Variants in CTNNA3 observed in about 807,000 individuals in gnomAD.
CTNNA3 encodes the protein catenin alpha-3.
A neutral mutation model predicts 95.7 loss-of-function variants in CTNNA3; 76 were observed. The ratio of observed to expected loss-of-function variants is 0.79; its 90% CI spans 0.66 to 0.96. CTNNA3 has a LOEUF of 0.96. Among genes scored for constraint, CTNNA3 ranks in the 40% least tolerant of loss-of-function variants. The pLI is 0.00. For missense variants in CTNNA3, 1,191 were observed against 1,089.8 expected, an observed-to-expected ratio of 1.09 and a Z score of -1.31; for synonymous variants, 431 against 374.4, an observed-to-expected ratio of 1.15 and a Z score of -1.74.
At chr10:66,442,234 G>A (rs151299079) in intron 11 of CTNNA3, among the ~76,000 whole-genome samples, 2 of 152,182 alleles carry the variant, frequency 1.3e-5, no homozygotes, top group South Asian at 2.1e-4. Flanking sequence ...TAGGTTATAT[G>A]CCAATAGTAC....
chr10:67,703,765 G>C (rs925863979), intron 1 of CTNNA3, among the ~76,000 whole-genome samples: 1 of 152,218 alleles, frequency 6.6e-6, no homozygotes, highest in African/African-American at 2.4e-5. Flanking sequence ...AGGGTTGGAA[G>C]TCCTGGCCAG....
intron 7 of CTNNA3, among the ~76,000 whole-genome samples, chr10:67,137,224 A>G (rs1356094874): frequency 1.3e-5 from 2 of 152,144 alleles, no homozygotes; most frequent in East Asian, 3.8e-4. Flanking sequence ...TAGATGGAAA[A>G]GTATGTTAGC....
intron 12 of CTNNA3, among the ~76,000 whole-genome samples, chr10:66,340,941 G>A (rs1385969908): frequency 6.6e-6 from 1 of 151,724 alleles, no homozygotes; most frequent in East Asian, 1.9e-4. Flanking sequence ...TATTTTTAAT[G>A]GAATTTTAGA....
chr10:66,397,547 T>C (rs1181924898), intron 11 of CTNNA3, among the ~76,000 whole-genome samples: 1 of 151,852 alleles, frequency 6.6e-6, no homozygotes, highest in African/African-American at 2.4e-5. Flanking sequence ...TGAATAATGA[T>C]ATATTCATTT....
At chr10:67,180,247 A>G in intron 7 of CTNNA3, 70 bp downstream of exon 7, 1 of 1,268,128 alleles carries the variant, frequency 7.9e-7, no homozygotes, top group Non-Finnish European at 1.1e-6. Flanking sequence ...GTATACGGAA[A>G]GTATCTCAGC....
chr10:67,321,733 C>T (rs1234845101), intron 5 of CTNNA3, among the ~76,000 whole-genome samples: 1 of 152,140 alleles, frequency 6.6e-6, no homozygotes, highest in African/African-American at 2.4e-5. Flanking sequence ...CACACCTCTC[C>T]TCTTAAATTC....
intron 5 of CTNNA3, among the ~76,000 whole-genome samples, chr10:67,453,510 A>G (rs934464608): frequency 6.6e-6 from 1 of 152,226 alleles, no homozygotes; most frequent in Admixed American, 6.5e-5. Flanking sequence ...ATAGTAAAAC[A>G]TTAGTCAGAT....
At chr10:66,731,748 G>A (rs545166660) in intron 9 of CTNNA3, among the ~76,000 whole-genome samples, 3 of 152,222 alleles carry the variant, frequency 2.0e-5, no homozygotes, top group Non-Finnish European at 4.4e-5. Flanking sequence ...TATGGGAAAG[G>A]GGGAAAAGTG....
intron 3 of CTNNA3, among the ~76,000 whole-genome samples, chr10:67,605,463 A>G (rs1843236604): frequency 6.6e-6 from 1 of 152,226 alleles, no homozygotes. Context: ...CATGAAGACT[A>G]TAGTTAATAA....
At chr10:67,260,224 G>T (rs1866543721) in intron 5 of CTNNA3, among the ~76,000 whole-genome samples, 1 of 152,162 alleles carries the variant, frequency 6.6e-6, no homozygotes, top group East Asian at 1.9e-4. Flanking sequence ...AGGAAAGAGT[G>T]GGCAAGAACC....
At chr10:67,611,471 G>A (rs1402824458) in intron 2 of CTNNA3, among the ~76,000 whole-genome samples, 1 of 151,692 alleles carries the variant, frequency 6.6e-6, no homozygotes, top group Non-Finnish European at 1.5e-5. Flanking sequence ...CTGCCACCAC[G>A]CCTGGCTAAT....
At chr10:66,170,944 GCC>G (rs2085393714) in intron 13 of CTNNA3, among the ~76,000 whole-genome samples, 1 of 151,478 alleles carries the variant, frequency 6.6e-6, no homozygotes, top group South Asian at 2.1e-4. Context: ...GACCACCCCA[GCC>G]AACATGGTGA....
chr10:65,974,548 G>A (rs2078173454), intron 16 of CTNNA3, among the ~76,000 whole-genome samples: 1 of 152,114 alleles, frequency 6.6e-6, no homozygotes. Flanking sequence ...AATGGGTAAT[G>A]ATGGACATAA....
intron 12 of CTNNA3, among the ~76,000 whole-genome samples, chr10:66,306,603 G>C (rs1252175976): frequency 6.6e-6 from 1 of 152,114 alleles, no homozygotes; most frequent in East Asian, 1.9e-4. Context: ...GGGCAAAACT[G>C]TATGATTTCA....
intron 14 of CTNNA3, among the ~76,000 whole-genome samples, chr10:66,076,804 C>T (rs2080571493): frequency 6.6e-6 from 1 of 151,564 alleles, no homozygotes; most frequent in Non-Finnish European, 1.5e-5. Context: ...AAAAATTATG[C>T]CATTTAAATA....
intron 1 of CTNNA3, among the ~76,000 whole-genome samples, chr10:67,726,381 TGA>T (rs1199233859): frequency 2.6e-5 from 2 of 76,238 alleles, no homozygotes; most frequent in East Asian, 1.1e-3. Flanking sequence ...ATATTATATA[TGA>T]AATTATATAT....
At chr10:67,527,712 G>A (rs185604756) in intron 4 of CTNNA3, among the ~76,000 whole-genome samples, 10 of 152,352 alleles carry the variant, frequency 6.6e-5, no homozygotes, top group Admixed American at 6.5e-4. Context: ...CCTGAAGACT[G>A]AGCACAATCA....
At position 67,324,118 on chromosome 10, in the gene CTNNA3, C is replaced by T. The variant is rs115766695; in HGVS notation, c.580-104248G>A. On this transcript the variant is annotated intron_variant, in intron 5 of 17. Coordinates refer to ENST00000433211, the MANE Select transcript of CTNNA3 (RefSeq NM_013266.4). ...TGAAGTCGCTTATCAGGTTAAGAAG[C>T]TTTTGGGCTGAGATGATGAAGTTTT... is the stretch of plus-strand genomic sequence containing the variant. Among the ~76,000 whole-genome samples the T allele has an allele frequency of 5.2e-3, 791 of 152,192 alleles. 9 individuals are homozygous for T. Among genetic ancestry groups the T allele is most frequent in the African/African-American group, 0.018 (741 of 41,538 alleles).
chr10:66,823,805 A>G (rs1200764152), intron 7 of CTNNA3, among the ~76,000 whole-genome samples: 1 of 152,230 alleles, frequency 6.6e-6, no homozygotes, highest in Non-Finnish European at 1.5e-5. Context: ...AGCAAGGCTT[A>G]GGACAGGCTA....
Sources: allele counts gnomAD v4.1 joint callset (sites outside exome capture counted in the v4.1 genomes callset), GRCh38; gene constraint gnomAD v4.1.1; transcripts MANE v1.5; gene names NCBI Gene and HGNC (gene_info 2026-07-23, HGNC 2026-07-21).